Variants in RGL1 observed in about 807,000 individuals in gnomAD.
RGL1 encodes ral guanine nucleotide dissociation stimulator like 1.
A neutral mutation model predicts 95.2 loss-of-function variants in RGL1; 24 were observed. The ratio of observed to expected loss-of-function variants is 0.25; its 90% confidence interval spans 0.18 to 0.35. The LOEUF (loss-of-function observed/expected upper bound fraction) is 0.35. Among genes scored for constraint, RGL1 ranks in the 10% least tolerant of loss-of-function variants. The pLI, the probability that RGL1 is intolerant of heterozygous loss-of-function variation, is 1.00. For synonymous variants in RGL1, 329 were observed against 344.9 expected (o/e 0.95, Z 0.51); for missense variants, 715 against 936.3 (o/e 0.76, Z 3.08).
At chr1:183,924,589 G>A (rs1464098824) in intron 17 of RGL1, among the ~76,000 whole-genome samples, 7 of 152,094 alleles carry the variant, frequency 4.6e-5, no homozygotes, top group South Asian at 2.1e-4. Context: ...AAACCTGCAC[G>A]TTCTGCACAT....
chr1:183,902,203 G>T (rs972537072), intron 11 of RGL1, among the ~76,000 whole-genome samples: 1 of 152,208 alleles, frequency 6.6e-6, no homozygotes, highest in African/African-American at 2.4e-5. Flanking sequence ...AACCGTATGA[G>T]TCAATGACCA....
intron 2 of RGL1, among the ~76,000 whole-genome samples, chr1:183,826,109 A>G (rs1662836933): frequency 6.6e-6 from 1 of 150,956 alleles, no homozygotes; most frequent in Non-Finnish European, 1.5e-5. Context: ...GCTGGAGTGC[A>G]GTGGTGCGAT....
At chr1:183,734,297 G>T (rs545026852) in intron 1 of RGL1, among the ~76,000 whole-genome samples, 1 of 152,138 alleles carries the variant, frequency 6.6e-6, no homozygotes, top group Admixed American at 6.5e-5. Flanking sequence ...TTTGTAAGTG[G>T]AACACTGACT....
Position 183,883,781 on chromosome 1 carries a change from A to G in RGL1, c.611-5A>G, listed in dbSNP as rs1262146786. On this transcript the variant is annotated splice_region_variant and splice_polypyrimidine_tract_variant and intron_variant, in intron 5 of 17. Transcript: ENST00000360851. ...AAATTACTAATCTTTTCCATATGTGAACAGATGGGCTTCCCAACACGATCT... is the reference window on the plus strand; with the variant it reads ...AAATTACTAATCTTTTCCATATGTGGACAGATGGGCTTCCCAACACGATCT... 6.2e-7 allele frequency: 1 copy of G among 1,613,880 alleles called. No individual in the cohort carries two copies. The highest frequency in any genetic ancestry group is 8.5e-7 in the Non-Finnish European group (1 of 1,179,780).
At chr1:183,687,159 T>G (rs1237265772) in intron 1 of RGL1, among the ~76,000 whole-genome samples, 1 of 152,192 alleles carries the variant, frequency 6.6e-6, no homozygotes, top group Non-Finnish European at 1.5e-5. Flanking sequence ...ACCTTTTTAT[T>G]TTTTTCATTA....
At chr1:183,699,894 T>A (rs1169934725) in intron 1 of RGL1, among the ~76,000 whole-genome samples, 1 of 152,224 alleles carries the variant, frequency 6.6e-6, no homozygotes, top group Non-Finnish European at 1.5e-5. Flanking sequence ...TCGAAGCTTA[T>A]GATCTGCATT....
chr1:183,857,194 C>G (rs1353711831), intron 3 of RGL1, among the ~76,000 whole-genome samples: 1 of 152,044 alleles, frequency 6.6e-6, no homozygotes, highest in East Asian at 1.9e-4. Flanking sequence ...CAGATAGATG[C>G]TATGTTGCTG....
intron 1 of RGL1, among the ~76,000 whole-genome samples, chr1:183,673,018 C>T (rs61040652): frequency 0.071 from 10,854 of 152,256 alleles, 663 homozygotes; most frequent in African/African-American, 0.17. Flanking sequence ...AGCCCAGCAT[C>T]CATTAGCTAT....
chr1:183,862,762 C>T (rs141181989), intron 3 of RGL1, among the ~76,000 whole-genome samples: 1 of 152,310 alleles, frequency 6.6e-6, no homozygotes, highest in Admixed American at 6.5e-5. Flanking sequence ...GCACTAGCAA[C>T]AGGTAGCTAT....
intron 7 of RGL1, 121 bp from the exon 8 acceptor site, chr1:183,888,353 C>A: frequency 1.5e-6 from 1 of 663,222 alleles, no homozygotes; most frequent in South Asian, 2.0e-5. Flanking sequence ...ACTATTTATA[C>A]AGCTGCCTAT....
intron 2 of RGL1, among the ~76,000 whole-genome samples, chr1:183,791,438 A>C (rs1361032350): frequency 2.0e-5 from 3 of 151,900 alleles, no homozygotes; most frequent in Non-Finnish European, 4.4e-5. Flanking sequence ...TTTTCTTTCC[A>C]CCTTCTCAAA....
chr1:183,798,523 A>T (rs2102396484), intron 2 of RGL1, among the ~76,000 whole-genome samples: 1 of 152,210 alleles, frequency 6.6e-6, no homozygotes, highest in South Asian at 2.1e-4. Context: ...TTATTAGTAT[A>T]TTCTTATTAT....
Position 183,847,632 on chromosome 1 carries a change from A to G in RGL1, c.205A>G (p.Ile69Val), listed in dbSNP as rs759067741. The change falls in exon 3 of 18, where the codon ATA (isoleucine) becomes GTA (valine). Residue 69 changes from isoleucine to valine, a missense_variant. Ile to Val is a conservative substitution (Grantham distance 29, BLOSUM62 3). Coordinates refer to ENST00000360851, the MANE Select transcript of RGL1 (RefSeq NM_001297671.3). ...ATATGAAACCTGTAAGATCAGGACCATAAAAGCTGGCACCTTGGAGAAGCT... is the reference window on the plus strand; with the variant it reads ...ATATGAAACCTGTAAGATCAGGACCGTAAAAGCTGGCACCTTGGAGAAGCT... ...SQYETCKIRTIKAGTLEKLVE... is the reference protein window; with the variant it reads ...SQYETCKIRTVKAGTLEKLVE... The G allele has an allele frequency of 6.2e-7, 1 of 1,614,166 alleles. No homozygotes were observed. The highest frequency in any genetic ancestry group is 1.1e-5 in the South Asian group (1 of 91,088).
intron 2 of RGL1, among the ~76,000 whole-genome samples, chr1:183,825,351 A>G (rs1662773996): frequency 6.6e-6 from 1 of 152,224 alleles, no homozygotes; most frequent in Non-Finnish European, 1.5e-5. Flanking sequence ...TTGCAGGCCA[A>G]GTGTGAGTAA....
chr1:183,912,417 T>C (rs1343750298), intron 15 of RGL1, 149 bp downstream of exon 15: 2 of 658,298 alleles, frequency 3.0e-6, no homozygotes, highest in East Asian at 2.8e-5. Context: ...AGAGTTCAAT[T>C]TGGGGACATA....
At chr1:183,702,597 G>A (rs1007535736) in intron 1 of RGL1, among the ~76,000 whole-genome samples, 10 of 152,134 alleles carry the variant, frequency 6.6e-5, no homozygotes, top group African/African-American at 2.2e-4. Flanking sequence ...CATTGTACTG[G>A]CTGTCAGGCG....
chr1:183,817,373 A>G lies in RGL1; in HGVS notation c.138+10888A>G, dbSNP rs576321167. On this transcript the variant is annotated intron_variant, in intron 2 of 17. Transcript: ENST00000360851. ...ACAGTTTTAAAGATCTATTTTTCTC[A>G]CTGTCTTTCCATTTGCTGATTATAG... Among the ~76,000 whole-genome samples the G allele has an allele frequency of 4.6e-5, 7 of 152,040 alleles. No homozygotes were observed. In the South Asian group the frequency reaches 1.5e-3, roughly 32 times the overall value.
In RGL1 at chr1:183,889,405, A is replaced by C. The variant is rs546291071; in HGVS notation, c.1055+828A>C. Among the ~76,000 whole-genome samples the C allele has an allele frequency of 1.1e-4, 16 of 152,312 alleles. No homozygotes were observed. In the South Asian group the frequency reaches 3.3e-3, roughly 32 times the overall value. Reference sequence around the variant, plus strand: ...AGAATCTATAAATTCTGTATGGTCTATACCACATGTGGTATAGTCAGTTTC... The same window carrying C: ...AGAATCTATAAATTCTGTATGGTCTCTACCACATGTGGTATAGTCAGTTTC... On this transcript the variant is annotated intron_variant, in intron 8 of 17. Transcript: ENST00000360851.
Position 183,638,562 on chromosome 1 carries a change from T to C in RGL1, c.-33+2061T>C, listed in dbSNP as rs563063988. On this transcript the variant is annotated intron_variant, in intron 1 of 18. Coordinates refer to the RGL1 transcript ENST00000304685. ...AAATTTTTGTGTGTATGTGGAGAAATCTGTCTTTAATTATCTTTTAATTAG... is the reference window on the plus strand; with the variant it reads ...AAATTTTTGTGTGTATGTGGAGAAACCTGTCTTTAATTATCTTTTAATTAG... 3.9e-5 allele frequency among the ~76,000 whole-genome samples: 6 copies of C among 152,314 alleles called. No individual in the cohort carries two copies. In the South Asian group the frequency reaches 1.0e-3, roughly 26 times the overall value.
Sources: allele counts gnomAD v4.1 joint callset (sites outside exome capture counted in the v4.1 genomes callset), GRCh38; gene constraint gnomAD v4.1.1; transcripts MANE v1.5; gene names NCBI Gene and HGNC (gene_info 2026-07-23, HGNC 2026-07-21).